EFCAB11: variants seen among roughly 807,000 people sequenced by gnomAD.
EFCAB11 encodes the protein EF-hand calcium binding domain 11.
EFCAB11 carries 14 observed loss-of-function variants against 23.0 expected under a neutral mutation model. The observed-to-expected ratio is 0.61, with a 90% CI of 0.40 to 0.95. The LOEUF (loss-of-function observed/expected upper bound fraction) is 0.95, where lower values mean the gene tolerates loss of function less well. EFCAB11 is among the 40% of genes least tolerant of loss of function. EFCAB11 has a pLI of 0.00. For synonymous variants in EFCAB11, 65 were observed against 66.6 expected, an observed-to-expected ratio of 0.98 and a Z score of 0.11; for missense variants, 198 against 195.8, an observed-to-expected ratio of 1.01 and a Z score of -0.07.
chr14:89,831,273 T>C (rs1370525533), intron 5 of EFCAB11: 1 of 152,184 alleles, frequency 6.6e-6, no homozygotes, highest in Non-Finnish European at 1.5e-5. Context: ...CAGAAAACCA[T>C]GGGAAAAGCA....
At chr14:89,856,333 C>T (rs756938121) in intron 5 of EFCAB11, among the ~76,000 whole-genome samples, 3 of 151,942 alleles carry the variant, frequency 2.0e-5, no homozygotes, top group Admixed American at 1.3e-4. Context: ...GGACTACAGG[C>T]GCGTGCCACC....
intron 5 of EFCAB11, chr14:89,830,310 T>C (rs1174172791): frequency 6.6e-5 from 10 of 152,180 alleles, no homozygotes; most frequent in Non-Finnish European, 1.0e-4. Flanking sequence ...AACTTACAAG[T>C]GCAATAGCCT....
intron 5 of EFCAB11, among the ~76,000 whole-genome samples, chr14:89,891,704 C>T (rs1227991374): frequency 1.3e-5 from 2 of 152,076 alleles, no homozygotes; most frequent in East Asian, 1.9e-4. Flanking sequence ...CACACACACG[C>T]ACGCGCACAC....
chr14:89,941,929 G>A (rs1890809149), intron 3 of EFCAB11, among the ~76,000 whole-genome samples: 1 of 152,060 alleles, frequency 6.6e-6, no homozygotes, highest in Non-Finnish European at 1.5e-5. Context: ...ATCTCGAATT[G>A]TAATCCCTGT....
chr14:89,860,342 C>T (rs553494567), intron 5 of EFCAB11, among the ~76,000 whole-genome samples: 6 of 151,824 alleles, frequency 4.0e-5, no homozygotes, highest in Admixed American at 2.0e-4. Flanking sequence ...CCAGCCTGGG[C>T]GACAAGAGTG....
At position 89,932,562 on chromosome 14, in the gene EFCAB11, C is replaced by T; in HGVS notation, c.283G>A (p.Glu95Lys). ...AAGGCTGTGAAGATGTGTCTTACTT[C>T]GTTCCGATATCGTTGAGCTTCCTTC... Reference protein sequence around the residue: ...KKKEAQRYRNEVRHIFTAFDT... With the variant: ...KKKEAQRYRNKVRHIFTAFDT... Residue 95 changes from glutamate to lysine, a missense_variant, in exon 4 of 6, where the codon GAA becomes AAA. Coordinates refer to ENST00000316738, the MANE Select transcript of EFCAB11 (RefSeq NM_145231.4). 6.2e-6 allele frequency: 10 copies of T among 1,613,840 alleles called. No individual in the cohort carries two copies. The highest frequency in any genetic ancestry group is 4.5e-5 in the East Asian group (2 of 44,814).
In EFCAB11 at chr14:89,796,956, C is replaced by T. The variant is rs1206482670; in HGVS notation, c.*287G>A. The T allele has an allele frequency of 2.4e-5, 5 of 207,156 alleles. No individual in the cohort carries two copies. The South Asian group carries it at 2.5e-4, about 10-fold the overall frequency. The allele number at this position is 207,156 out of a possible 1,614,324, so 12.8% of individuals were successfully genotyped here. Reference sequence around the variant, plus strand: ...TGCTGGCCACACAGAAGGAGACCCCCGGCAGCAACCATCTCTAGGATTCTG... The same window carrying T: ...TGCTGGCCACACAGAAGGAGACCCCTGGCAGCAACCATCTCTAGGATTCTG... On this transcript the variant is annotated 3_prime_UTR_variant, in exon 6 of 6. Coordinates refer to ENST00000316738, the MANE Select transcript of EFCAB11 (RefSeq NM_145231.4).
At chr14:89,857,825 T>A (rs1887800662) in intron 5 of EFCAB11, among the ~76,000 whole-genome samples, 1 of 152,188 alleles carries the variant, frequency 6.6e-6, no homozygotes, top group South Asian at 2.1e-4. Context: ...ATCTTTTTAT[T>A]CTAATACTTC....
intron 5 of EFCAB11, among the ~76,000 whole-genome samples, chr14:89,804,779 C>T (rs1397370344): frequency 6.6e-6 from 1 of 152,042 alleles, no homozygotes; most frequent in African/African-American, 2.4e-5. Flanking sequence ...TAAATATTGC[C>T]TTTAAGAAGA....
At chr14:89,832,451 A>G (rs553111254) in intron 5 of EFCAB11, among the ~76,000 whole-genome samples, 2 of 152,272 alleles carry the variant, frequency 1.3e-5, no homozygotes, top group Admixed American at 1.3e-4. Context: ...AGTTTGCCAT[A>G]AGCTCTACCA....
intron 5 of EFCAB11, among the ~76,000 whole-genome samples, chr14:89,821,940 T>C (rs1162659812): frequency 2.6e-5 from 4 of 152,218 alleles, no homozygotes; most frequent in Non-Finnish European, 4.4e-5. Context: ...TTTAGTAAAA[T>C]CATCCAGGTG....
At position 89,894,465 on chromosome 14, in the gene EFCAB11, C is replaced by T. The variant is rs554286017; in HGVS notation, c.410+37076G>A. Among the ~76,000 whole-genome samples, 4 of 150,802 alleles carry T rather than the reference C, an allele frequency of 2.7e-5. No homozygotes were observed. The East Asian group carries it at 7.8e-4, about 29-fold the overall frequency. ...CAGGCCCCCAGTATGTGATGTTCCC[C>T]TCCCTGTGTCCATGTGTTCTCATCA... On this transcript the variant is annotated intron_variant, in intron 5 of 5. Coordinates refer to ENST00000316738, the MANE Select transcript of EFCAB11 (RefSeq NM_145231.4).
chr14:89,868,943 C>T (rs781612574), intron 5 of EFCAB11, among the ~76,000 whole-genome samples: 19 of 152,232 alleles, frequency 1.2e-4, no homozygotes, highest in East Asian at 9.7e-4. Flanking sequence ...ATATAGCTCA[C>T]GTCTGTAATT....
chr14:89,837,120 A>C (rs1887112481), intron 5 of EFCAB11: 2 of 456,308 alleles, frequency 4.4e-6, no homozygotes, highest in Non-Finnish European at 8.8e-6. Context: ...TGGCAGAGTA[A>C]ACACTTGCTG....
At position 89,948,084 on chromosome 14, in the gene EFCAB11, T is replaced by A. The variant is rs1011239721; in HGVS notation, c.217+2013A>T. Reference sequence around the variant, plus strand: ...GCTGCACAAGTCAGAAAACCTAGTATCATTTTTTGAATGTTAAAATTATGA... The same window carrying A: ...GCTGCACAAGTCAGAAAACCTAGTAACATTTTTTGAATGTTAAAATTATGA... On this transcript the variant is annotated intron_variant, in intron 3 of 5. Coordinates refer to ENST00000316738, the MANE Select transcript of EFCAB11 (RefSeq NM_145231.4). Among the ~76,000 whole-genome samples the A allele has an allele frequency of 2.6e-4, 39 of 151,962 alleles. 1 individual carries two copies. The highest frequency in any genetic ancestry group is 9.4e-4 in the African/African-American group (39 of 41,416).
intron 5 of EFCAB11, among the ~76,000 whole-genome samples, chr14:89,842,193 T>TCCTA (rs1388608756): frequency 1.3e-5 from 2 of 152,186 alleles, no homozygotes; most frequent in Admixed American, 1.3e-4. Context: ...TTCAGCCATA[T>TCCTA]CCTAGTCCAG....
Position 89,953,985 on chromosome 14 carries a change from T to A in EFCAB11, c.92A>T (p.Asp31Val). ...RKWVEVFKACDEDHKGYLSRE... is the reference protein window; with the variant it reads ...RKWVEVFKACVEDHKGYLSRE... Reference sequence around the variant, plus strand: ...GCTGAGATATCCTTTGTGATCTTCATCACATGCTTTAAATACCTGAAGAAC... The same window carrying A: ...GCTGAGATATCCTTTGTGATCTTCAACACATGCTTTAAATACCTGAAGAAC... The change falls in exon 2 of 6, where the codon GAT becomes GTT. Residue 31 changes from aspartate to valine, a missense_variant. Physicochemically the swap from Asp to Val is radical, Grantham distance 152. Transcript: ENST00000316738. The A allele has an allele frequency of 6.2e-7, 1 of 1,613,258 alleles. No homozygotes were observed. The highest frequency in any genetic ancestry group is 1.1e-5 in the South Asian group (1 of 90,958).
intron 5 of EFCAB11, among the ~76,000 whole-genome samples, chr14:89,801,457 A>G (rs1885778274): frequency 7.1e-6 from 1 of 141,662 alleles, no homozygotes; most frequent in Admixed American, 7.2e-5. Flanking sequence ...GAATTCTCTC[A>G]GAGAAATGAG....
Position 89,929,720 on chromosome 14 carries a change from A to G in EFCAB11, c.410+1821T>C, listed in dbSNP as rs574785439. 2.7e-4 allele frequency among the ~76,000 whole-genome samples: 41 copies of G among 152,354 alleles called. 1 individual carries two copies. Among genetic ancestry groups the G allele is most frequent in the African/African-American group, 9.9e-4 (41 of 41,580 alleles). On this transcript the variant is annotated intron_variant, in intron 5 of 5. Transcript: ENST00000316738. ...CATTTTAAACATACCAAACATGCAG[A>G]TATGAATTTTAATAGGTGACATTAT... is the stretch of plus-strand genomic sequence containing the variant.
Sources: gnomAD v4.1 joint callset for allele counts (sites outside exome capture counted in the v4.1 genomes callset) on GRCh38, gnomAD v4.1.1 for gene constraint, MANE v1.5 for transcripts, NCBI Gene and HGNC (gene_info 2026-07-23, HGNC 2026-07-21) for gene names.